The following LPP variants were observed in gnomAD, a reference collection of about 807,000 sequenced individuals.
The protein encoded by LPP is LIM domain containing preferred translocation partner in lipoma, also known as lipoma-preferred partner.
A neutral mutation model predicts 60.4 loss-of-function variants in LPP; 38 were observed. That is an observed-to-expected ratio of 0.63 (90% confidence interval 0.49 to 0.83). The LOEUF is 0.83. LPP is among the 40% of genes least tolerant of loss of function. The pLI, the probability that LPP is intolerant of heterozygous loss-of-function variation, is 0.00. For missense variants in LPP, 902 were observed against 783.6 expected (o/e 1.15, Z -1.80); for synonymous variants, 328 against 290.8 (o/e 1.13, Z -1.30).
At chr3:188,867,823 T>A (rs965292943) in intron 10 of LPP, among the ~76,000 whole-genome samples, 1 of 152,158 alleles carries the variant, frequency 6.6e-6, no homozygotes, top group Non-Finnish European at 1.5e-5. Flanking sequence ...GGCTTCCAAG[T>A]GTGAAGTCTT....
chr3:188,799,205 C>G (rs529435531), intron 9 of LPP, among the ~76,000 whole-genome samples: 1 of 152,374 alleles, frequency 6.6e-6, no homozygotes, highest in East Asian at 1.9e-4. Context: ...GTTTTACTCT[C>G]ACAGCCTCTC....
chr3:188,469,858 AT>A (rs1238640142), intron 4 of LPP, among the ~76,000 whole-genome samples: 43 of 152,284 alleles, frequency 2.8e-4, no homozygotes, highest in African/African-American at 9.4e-4. Context: ...CACATAAAGA[AT>A]AATCTCACAG....
intron 6 of LPP, among the ~76,000 whole-genome samples, chr3:188,548,331 C>T (rs534410157): frequency 6.0e-4 from 92 of 152,274 alleles, no homozygotes; most frequent in Non-Finnish European, 1.2e-3. Context: ...AAAAACATTC[C>T]GTGGTGATTC....
chr3:188,281,601 C>CAAAAAAAAAAAAAA (rs1167297915), intron 2 of LPP, among the ~76,000 whole-genome samples: 6 of 66,548 alleles, frequency 9.0e-5, no homozygotes, highest in African/African-American at 2.6e-4. Flanking sequence ...AAGACTCTAC[C>CAAAAAAAAAAAAAA]AAAAAAAAAA....
chr3:188,482,253 C>T (rs778614641), intron 4 of LPP, among the ~76,000 whole-genome samples: 5 of 152,118 alleles, frequency 3.3e-5, no homozygotes, highest in African/African-American at 7.2e-5. Flanking sequence ...TATAAATTGC[C>T]CATTCTCAGG....
intron 1 of LPP, among the ~76,000 whole-genome samples, chr3:188,183,971 T>C (rs1725850871): frequency 6.6e-6 from 1 of 152,152 alleles, no homozygotes; most frequent in Non-Finnish European, 1.5e-5. Flanking sequence ...TGGTAGCAGA[T>C]GTCAAAAATG....
At chr3:188,557,730 A>G (rs1017470082) in intron 6 of LPP, among the ~76,000 whole-genome samples, 19 of 152,134 alleles carry the variant, frequency 1.2e-4, no homozygotes, top group African/African-American at 4.6e-4. Context: ...AGGTTGTACA[A>G]GTAAATTCTA....
At chr3:188,174,771 A>C (rs1722587699) in intron 1 of LPP, among the ~76,000 whole-genome samples, 2 of 152,184 alleles carry the variant, frequency 1.3e-5, no homozygotes, top group South Asian at 4.1e-4. Flanking sequence ...AATCCAATTG[A>C]TCTTCAAGGT....
chr3:188,655,529 C>T (rs1302575915), intron 7 of LPP, among the ~76,000 whole-genome samples: 2 of 152,152 alleles, frequency 1.3e-5, no homozygotes, highest in South Asian at 2.1e-4. Context: ...CATGGATTAT[C>T]TCAATGACGA....
intron 6 of LPP, among the ~76,000 whole-genome samples, chr3:188,560,811 G>A (rs1221697535): frequency 1.3e-5 from 2 of 152,062 alleles, no homozygotes; most frequent in Non-Finnish European, 2.9e-5. Flanking sequence ...ATAAGTCAGT[G>A]CATTTACCTA....
At chr3:188,249,652 A>T (rs1009059981) in intron 2 of LPP, among the ~76,000 whole-genome samples, 2 of 151,814 alleles carry the variant, frequency 1.3e-5, no homozygotes, top group African/African-American at 4.8e-5. Context: ...CCTCTTTCTG[A>T]TGGTTTTTTT....
rs147278481 is a variant in LPP, at chr3:188,724,212, T to A, written c.1240+15819T>A. Among the ~76,000 whole-genome samples the A allele has an allele frequency of 8.5e-5, 13 of 152,298 alleles. No homozygotes were observed. In the East Asian group the frequency reaches 2.5e-3, roughly 29 times the overall value. ...CTGAAGCCAAGATGAGTTAAATAAT[T>A]TTCCCGGAATCTAGTAATTAGAGTT... On this transcript the variant is annotated intron_variant, in intron 8 of 11. Coordinates refer to ENST00000617246, the MANE Select transcript of LPP (RefSeq NM_001375462.1).
chr3:188,837,272 G>A (rs960055049), intron 9 of LPP, among the ~76,000 whole-genome samples: 2 of 151,756 alleles, frequency 1.3e-5, no homozygotes, highest in East Asian at 1.9e-4. Flanking sequence ...CCAGCTACTC[G>A]GGAGGCTGAG....
chr3:188,761,340 G>T (rs1732277939), intron 9 of LPP, among the ~76,000 whole-genome samples: 1 of 152,168 alleles, frequency 6.6e-6, no homozygotes, highest in Non-Finnish European at 1.5e-5. Context: ...GGGGTCTGTA[G>T]CACAGATCTG....
chr3:188,330,855 GTAAGTAAATAAATAAA>G (rs1445354275), intron 2 of LPP, among the ~76,000 whole-genome samples: 5 of 117,200 alleles, frequency 4.3e-5, no homozygotes, highest in Admixed American at 1.1e-4. Context: ...AAGTAAGTAA[GTAAGTAAATAAATAAA>G]TAAATAAATA....
intron 3 of LPP, among the ~76,000 whole-genome samples, chr3:188,381,165 T>C (rs959592213): frequency 1.1e-4 from 16 of 150,238 alleles, no homozygotes; most frequent in African/African-American, 3.7e-4. Flanking sequence ...TAAAGACACA[T>C]AGCTGTTAAC....
chr3:188,435,079 G>A (rs896286141), intron 4 of LPP, among the ~76,000 whole-genome samples: 1 of 152,260 alleles, frequency 6.6e-6, no homozygotes. Flanking sequence ...TACAGGTAGG[G>A]TAGAAGTAAA....
intron 4 of LPP, among the ~76,000 whole-genome samples, chr3:188,454,576 C>T (rs1011312733): frequency 9.2e-5 from 14 of 152,088 alleles, no homozygotes; most frequent in African/African-American, 2.7e-4. Context: ...TTCATTTTCA[C>T]GCTGCTGATA....
At chr3:188,725,473 G>C (rs1718037114) in intron 8 of LPP, 1 of 152,332 alleles carries the variant, frequency 6.6e-6, no homozygotes, top group South Asian at 2.1e-4. Context: ...GAAGTCAAGA[G>C]GTATTCTAGA....
Sources: allele counts gnomAD v4.1 joint callset (sites outside exome capture counted in the v4.1 genomes callset), GRCh38; gene constraint gnomAD v4.1.1; transcripts MANE v1.5; gene names NCBI Gene and HGNC (gene_info 2026-07-23, HGNC 2026-07-21).